The following LPP variants were observed in gnomAD, a reference collection of about 807,000 sequenced individuals.
LPP encodes LIM domain containing preferred translocation partner in lipoma.
A neutral mutation model predicts 60.4 loss-of-function variants in LPP; 38 were observed. That is an observed-to-expected ratio of 0.63 (90% CI 0.49 to 0.83). LPP has a LOEUF of 0.83. LPP is among the 40% of genes least tolerant of loss of function. The pLI is 0.00. For missense variants in LPP, 902 were observed against 783.6 expected (o/e 1.15, Z -1.80); for synonymous variants, 328 against 290.8 (o/e 1.13, Z -1.30).
intron 9 of LPP, among the ~76,000 whole-genome samples, chr3:188,782,398 G>A (rs1002107639): frequency 6.6e-6 from 1 of 152,126 alleles, no homozygotes; most frequent in Non-Finnish European, 1.5e-5. Context: ...TTGTGAAAGG[G>A]ATCAAGTTTC....
chr3:188,647,549 ATTCCCTATGGTCCCCT>A (rs1851341950), intron 7 of LPP, among the ~76,000 whole-genome samples: 1 of 152,166 alleles, frequency 6.6e-6, no homozygotes, highest in South Asian at 2.1e-4. Flanking sequence ...TTTCCCTGCC[ATTCCCTATGGTCCCCT>A]TTGTGTACTT....
At chr3:188,591,584 G>A (rs763864052) in intron 6 of LPP, among the ~76,000 whole-genome samples, 5 of 152,126 alleles carry the variant, frequency 3.3e-5, no homozygotes, top group Non-Finnish European at 5.9e-5. Flanking sequence ...TCTATTCCTA[G>A]TTAGGGCCTC....
At chr3:188,272,678 C>T (rs1738224377) in intron 2 of LPP, among the ~76,000 whole-genome samples, 1 of 152,176 alleles carries the variant, frequency 6.6e-6, no homozygotes, top group African/African-American at 2.4e-5. Context: ...ATAGACTCTA[C>T]AAATAGTTTA....
At chr3:188,801,086 A>G (rs979942321) in intron 9 of LPP, among the ~76,000 whole-genome samples, 1 of 152,160 alleles carries the variant, frequency 6.6e-6, no homozygotes, top group African/African-American at 2.4e-5. Flanking sequence ...GAATAGACCA[A>G]TTATTACCTG....
At chr3:188,654,382 A>G (rs1852705628) in intron 7 of LPP, among the ~76,000 whole-genome samples, 1 of 152,210 alleles carries the variant, frequency 6.6e-6, no homozygotes, top group Non-Finnish European at 1.5e-5. Context: ...AGGGAGATAG[A>G]ACATTCTGGA....
chr3:188,733,983 C>A lies in LPP; in HGVS notation c.1240+25590C>A, dbSNP rs965467367. Among the ~76,000 whole-genome samples the A allele has an allele frequency of 3.3e-5, 5 of 152,114 alleles. No homozygotes were observed. In the East Asian group the frequency reaches 9.7e-4, roughly 29 times the overall value. Reference sequence around the variant, plus strand: ...CCTTTTTCCTCCTTAGTGGAACTTTCCTAAGAAGTGTGTATATGTGTGTGT... The same window carrying A: ...CCTTTTTCCTCCTTAGTGGAACTTTACTAAGAAGTGTGTATATGTGTGTGT... On this transcript the variant is annotated intron_variant, in intron 8 of 11. Coordinates refer to ENST00000617246, the MANE Select transcript of LPP (RefSeq NM_001375462.1).
upstream of LPP, chr3:188,153,157 A>G (rs181621796): frequency 6.6e-6 from 1 of 152,344 alleles, no homozygotes; most frequent in Admixed American, 6.5e-5. Context: ...GCTCGCGGGC[A>G]TCTAACCTGC....
Position 188,690,165 on chromosome 3 carries a change from C to T in LPP, c.1114-18102C>T, listed in dbSNP as rs181126593. Among the ~76,000 whole-genome samples, 34 of 152,218 alleles carry T rather than the reference C, an allele frequency of 2.2e-4. No individual in the cohort carries two copies. In the East Asian group the frequency reaches 3.5e-3, roughly 16 times the overall value. ...ATTGACCTAGTCTAGAATAAGCAGG[C>T]GAGATGCAGAGAGATTATGTGACAT... On this transcript the variant is annotated intron_variant, in intron 7 of 11. Transcript: ENST00000617246.
At chr3:188,730,139 C>T (rs555066606) in intron 8 of LPP, among the ~76,000 whole-genome samples, 52 of 152,256 alleles carry the variant, frequency 3.4e-4, no homozygotes, top group South Asian at 1.2e-3. Flanking sequence ...AATCATTGTG[C>T]GTATGTGCAT....
intron 9 of LPP, among the ~76,000 whole-genome samples, chr3:188,797,776 AT>A (rs1488145530): frequency 1.2e-4 from 18 of 152,152 alleles, no homozygotes; most frequent in African/African-American, 4.3e-4. Context: ...ATAGCTATGC[AT>A]TTATATGTGT....
intron 2 of LPP, among the ~76,000 whole-genome samples, chr3:188,309,245 TC>T (rs1361407407): frequency 6.6e-6 from 1 of 152,088 alleles, no homozygotes; most frequent in Non-Finnish European, 1.5e-5. Flanking sequence ...GGTCTTGAAC[TC>T]CTGACCTCAG....
At chr3:188,323,948 T>C (rs370424568) in intron 2 of LPP, among the ~76,000 whole-genome samples, 8 of 152,348 alleles carry the variant, frequency 5.3e-5, no homozygotes, top group African/African-American at 1.9e-4. Context: ...TTTTCTTACA[T>C]AGGAATAGAG....
At chr3:188,479,245 G>T (rs2149605369) in intron 4 of LPP, among the ~76,000 whole-genome samples, 1 of 152,240 alleles carries the variant, frequency 6.6e-6, no homozygotes, top group Non-Finnish European at 1.5e-5. Flanking sequence ...TTAATAGTTA[G>T]ATTTTCCTCC....
At chr3:188,158,904 A>G (rs562396640) in intron 1 of LPP, among the ~76,000 whole-genome samples, 4 of 152,182 alleles carry the variant, frequency 2.6e-5, no homozygotes, top group African/African-American at 4.8e-5. Flanking sequence ...TGGGGTCACA[A>G]TTGAGGATTC....
In LPP at chr3:188,400,938, C is replaced by A. The variant is rs533216171; in HGVS notation, c.-9-5174C>A. Among the ~76,000 whole-genome samples, 34 of 152,300 alleles carry A rather than the reference C, an allele frequency of 2.2e-4. No individual in the cohort carries two copies. The South Asian group carries it at 6.2e-3, about 28-fold the overall frequency. Reference sequence around the variant, plus strand: ...TGTGCTAGTTCATCTGTTCATTAAACTTGTGAAGTTTCATCAAACCCATTT... The same window carrying A: ...TGTGCTAGTTCATCTGTTCATTAAAATTGTGAAGTTTCATCAAACCCATTT... On this transcript the variant is annotated intron_variant, in intron 3 of 11. Coordinates refer to ENST00000617246, the MANE Select transcript of LPP (RefSeq NM_001375462.1).
At chr3:188,836,584 G>A (rs1033524137) in intron 9 of LPP, among the ~76,000 whole-genome samples, 1 of 152,202 alleles carries the variant, frequency 6.6e-6, no homozygotes, top group East Asian at 1.9e-4. Flanking sequence ...ATGAATGAAT[G>A]CATGGATGAA....
At chr3:188,368,310 A>G (rs1391982839) in intron 3 of LPP, among the ~76,000 whole-genome samples, 1 of 152,082 alleles carries the variant, frequency 6.6e-6, no homozygotes, top group South Asian at 2.1e-4. Context: ...CTTTTTTTGC[A>G]TTCAAAACCA....
At chr3:188,730,202 C>T (rs906835435) in intron 8 of LPP, among the ~76,000 whole-genome samples, 5 of 152,126 alleles carry the variant, frequency 3.3e-5, no homozygotes, top group African/African-American at 1.2e-4. Flanking sequence ...TTTCAAGATC[C>T]TGATGCTTAC....
chr3:188,633,589 G>C (rs1299462401), intron 7 of LPP, among the ~76,000 whole-genome samples: 1 of 152,058 alleles, frequency 6.6e-6, no homozygotes, highest in African/African-American at 2.4e-5. Flanking sequence ...TTTTTTTCCA[G>C]ATAACATATT....
Sources: allele counts gnomAD v4.1 joint callset (sites outside exome capture counted in the v4.1 genomes callset), GRCh38; gene constraint gnomAD v4.1.1; transcripts MANE v1.5; gene names NCBI Gene and HGNC (gene_info 2026-07-23, HGNC 2026-07-21).